Variants in LMNB1 observed in about 807,000 individuals in gnomAD.
The protein encoded by LMNB1 is lamin-B1.
LMNB1 carries 23 observed loss-of-function variants against 67.1 expected under a neutral mutation model. The ratio of observed to expected loss-of-function variants is 0.34; its 90% CI spans 0.25 to 0.49. LMNB1 has a LOEUF of 0.49. Among genes scored for constraint, LMNB1 ranks in the 20% least tolerant of loss-of-function variants. The pLI is 0.99. For missense variants in LMNB1, 634 were observed against 746.5 expected (o/e 0.85, Z 1.76); for synonymous variants, 281 against 282.9 (o/e 0.99, Z 0.07).
rs181276322 is a variant in LMNB1, at chr5:126,790,783, C to T, written c.359+12916C>T. ...TGCTATTTTCTTAGACTTTTGAAGG[C>T]ATGTTTTGGCCGAGGTGGGTGGATC... is the stretch of plus-strand genomic sequence containing the variant. On this transcript the variant is annotated intron_variant, in intron 1 of 10. Transcript: ENST00000261366. Among the ~76,000 whole-genome samples, 65 of 152,058 alleles carry T rather than the reference C, an allele frequency of 4.3e-4. 1 individual carries two copies. Among genetic ancestry groups the T allele is most frequent in the African/African-American group, 1.5e-3 (63 of 41,378 alleles).
In LMNB1 at chr5:126,810,166, TG is replaced by T; in HGVS notation, c.643-13del. The T allele has an allele frequency of 6.2e-7, 1 of 1,602,342 alleles. No individual in the cohort carries two copies. Among genetic ancestry groups the T allele is most frequent in the Non-Finnish European group, 8.5e-7 (1 of 1,170,548 alleles). On this transcript the variant is annotated splice_polypyrimidine_tract_variant and intron_variant, in intron 3 of 10. Coordinates refer to ENST00000261366, the MANE Select transcript of LMNB1 (RefSeq NM_005573.4). ...GTAAGTAGCTTGGCTTTATGCTTTT[TG>T]TTTTTTCCCCAGGAGATTAACGAGA... is the stretch of plus-strand genomic sequence containing the variant.
intron 4 of LMNB1, 151 bp downstream of exon 4, chr5:126,810,501 A>C (rs1580543730): frequency 6.6e-6 from 4 of 608,232 alleles, no homozygotes; most frequent in African/African-American, 3.7e-5. Context: ...TTTTTTCAAA[A>C]AAGTGCAGTT....
At chr5:126,818,454 C>T (rs1212678682) in intron 5 of LMNB1, among the ~76,000 whole-genome samples, 4 of 152,122 alleles carry the variant, frequency 2.6e-5, no homozygotes, top group African/African-American at 9.7e-5. Context: ...GTTAGTCAGG[C>T]TGGTCTCAAA....
intron 2 of LMNB1, 62 bp from the exon 3 acceptor site, chr5:126,805,509 T>G (rs919179774): frequency 3.6e-6 from 4 of 1,125,852 alleles, no homozygotes; most frequent in Non-Finnish European, 5.3e-6. Context: ...CATAGATATC[T>G]TATGTTCATT....
At chr5:126,780,753 A>G (rs62391735) in intron 1 of LMNB1, among the ~76,000 whole-genome samples, 12,040 of 152,120 alleles carry the variant, frequency 0.079, 552 homozygotes, top group Non-Finnish European at 0.11. Flanking sequence ...TTTCCCCCCA[A>G]CATACCATCA....
intron 5 of LMNB1, among the ~76,000 whole-genome samples, chr5:126,812,199 C>G (rs900092179): frequency 1.1e-4 from 17 of 152,210 alleles, no homozygotes; most frequent in Non-Finnish European, 1.0e-4. Flanking sequence ...ATCTTCCGAC[C>G]TGTCTAACAG....
chr5:126,826,067 G>A lies in LMNB1; in HGVS notation c.1571G>A (p.Gly524Asp), dbSNP rs1462823275. ...AAGAACCAGAACTCGTGGGGCACTG[G>A]CGAAGATGTGAAGGTTATATTGAAA... is the stretch of plus-strand genomic sequence containing the variant. ...IWKNQNSWGTGEDVKVILKNS... is the reference protein window; with the variant it reads ...IWKNQNSWGTDEDVKVILKNS... Residue 524 changes from glycine to aspartate, a missense_variant, in exon 9 of 11, where the codon GGC becomes GAC. Coordinates refer to ENST00000261366, the MANE Select transcript of LMNB1 (RefSeq NM_005573.4). 2.5e-6 allele frequency: 4 copies of A among 1,614,064 alleles called. No individual in the cohort carries two copies. Among genetic ancestry groups the A allele is most frequent in the Non-Finnish European group, 3.4e-6 (4 of 1,179,942 alleles).
intron 1 of LMNB1, among the ~76,000 whole-genome samples, chr5:126,795,906 G>C (rs373830957): frequency 4.1e-5 from 6 of 145,546 alleles, no homozygotes; most frequent in Non-Finnish European, 7.5e-5. Context: ...GATTACAGGC[G>C]TGAGCCACTG....
intron 9 of LMNB1, among the ~76,000 whole-genome samples, 167 bp from the exon 10 acceptor site, chr5:126,832,527 T>G (rs1206449158): frequency 6.6e-6 from 1 of 152,150 alleles, no homozygotes. Context: ...CTCTAACTCC[T>G]GACCTCGGGT....
intron 5 of LMNB1, 112 bp from the exon 6 acceptor site, chr5:126,818,810 G>T: frequency 4.0e-6 from 3 of 757,030 alleles, no homozygotes. Flanking sequence ...TAGTGAGTTA[G>T]AGATTCCATA....
chr5:126,788,838 G>A (rs1427787180), intron 1 of LMNB1, among the ~76,000 whole-genome samples: 1 of 151,984 alleles, frequency 6.6e-6, no homozygotes, highest in Admixed American at 6.6e-5. Flanking sequence ...AAGATTATGA[G>A]TTTAGAATAC....
At chr5:126,836,192 T>A (rs371793500) in intron 10 of LMNB1, 31 bp from the exon 11 acceptor site, 7 of 1,538,740 alleles carry the variant, frequency 4.5e-6, no homozygotes, top group Non-Finnish European at 6.3e-6. Flanking sequence ...ATTTCTTTAG[T>A]ATTAATTTTT....
At chr5:126,812,120 A>G (rs575137963) in intron 5 of LMNB1, among the ~76,000 whole-genome samples, 2 of 152,358 alleles carry the variant, frequency 1.3e-5, no homozygotes, top group East Asian at 3.9e-4. Flanking sequence ...TAGATTACAC[A>G]GAGCTAAGGG....
intron 7 of LMNB1, among the ~76,000 whole-genome samples, chr5:126,822,507 C>A (rs186193720): frequency 6.6e-6 from 1 of 152,202 alleles, no homozygotes; most frequent in African/African-American, 2.4e-5. Flanking sequence ...CCTTATCTAG[C>A]AGTGAATTTG....
chr5:126,810,488 T>G, intron 4 of LMNB1, 138 bp downstream of exon 4: 1 of 676,538 alleles, frequency 1.5e-6, no homozygotes, highest in East Asian at 3.0e-5. Context: ...TATAGAAAAT[T>G]GATTTTTTCA....
At chr5:126,807,281 G>GT (rs933259093) in intron 3 of LMNB1, among the ~76,000 whole-genome samples, 8 of 152,270 alleles carry the variant, frequency 5.3e-5, no homozygotes, top group African/African-American at 1.9e-4. Flanking sequence ...TAGAAGTAGT[G>GT]TAATTTTGAA....
chr5:126,813,254 T>C (rs1262392568), intron 5 of LMNB1, among the ~76,000 whole-genome samples: 1 of 152,216 alleles, frequency 6.6e-6, no homozygotes, highest in East Asian at 1.9e-4. Flanking sequence ...TTTAAATTAT[T>C]TTAAACCTAT....
chr5:126,836,809 A>G lies in LMNB1; in HGVS notation c.*545A>G. ...AGAAGGCAATATTAACCTAATCACCATGTAAGCACTCTGGATGATGGATTC... is the reference window on the plus strand; with the variant it reads ...AGAAGGCAATATTAACCTAATCACCGTGTAAGCACTCTGGATGATGGATTC... On this transcript the variant is annotated 3_prime_UTR_variant, in exon 11 of 11. Coordinates refer to ENST00000261366, the MANE Select transcript of LMNB1 (RefSeq NM_005573.4). 3.8e-6 allele frequency: 1 copy of G among 260,244 alleles called. No homozygotes were observed. Among genetic ancestry groups the G allele is most frequent in the Non-Finnish European group, 7.0e-6 (1 of 142,282 alleles). 16.1% of individuals were successfully genotyped at this position (260,244 alleles called of 1,614,324 possible). A position where few individuals can be genotyped will look rare whatever the true frequency, so the allele number is the denominator to read the frequency against.
chr5:126,783,932 C>T (rs1750695696), intron 1 of LMNB1, among the ~76,000 whole-genome samples: 1 of 150,438 alleles, frequency 6.6e-6, no homozygotes, highest in South Asian at 2.1e-4. Flanking sequence ...TTTTTAGGAT[C>T]AGGGAAGTTT....
Sources: allele counts gnomAD v4.1 joint callset (sites outside exome capture counted in the v4.1 genomes callset), GRCh38; gene constraint gnomAD v4.1.1; transcripts MANE v1.5; gene names NCBI Gene and HGNC (gene_info 2026-07-23, HGNC 2026-07-21).